SYTL4: variants seen among roughly 807,000 people sequenced by gnomAD.
SYTL4 encodes the protein synaptotagmin-like protein 4.
A neutral mutation model predicts 52.7 loss-of-function variants in SYTL4; 16 were observed. That is an observed-to-expected ratio of 0.30 (90% CI 0.21 to 0.46). SYTL4 has a LOEUF of 0.46. Ranked by LOEUF, SYTL4 falls within the 20% of genes least tolerant of loss-of-function variation. SYTL4 has a pLI of 1.00. For missense variants in SYTL4, 423 were observed against 519.9 expected (o/e 0.81, Z 1.81); for synonymous variants, 160 against 186.6 (o/e 0.86, Z 1.16).
intron 16 of SYTL4, among the ~76,000 whole-genome samples, chrX:100,683,138 T>A (rs866724020): frequency 2.5e-4 from 22 of 87,714 alleles, no homozygotes; most frequent in South Asian, 1.2e-3. Context: ...CCTGTATTTT[T>A]TTTTTTTTTT....
chrX:100,686,023 C>T lies in SYTL4; in HGVS notation c.1416G>A (p.Lys472=). ...EIQMDSWKLD[K]KLDHCLPLHG... is the part of the protein sequence containing the mutation. Reference sequence around the variant, plus strand: ...GTAAAGGGAGGCAATGATCCAGTTTCTTATCAAGCTTCCAGGAATCCATCT... The same window carrying T: ...GTAAAGGGAGGCAATGATCCAGTTTTTTATCAAGCTTCCAGGAATCCATCT... The change falls in exon 16 of 20, where the codon AAG becomes AAA. Residue 472 remains lysine, a synonymous_variant. Transcript: ENST00000372989. 8.3e-7 allele frequency: 1 copy of T among 1,202,865 alleles called. No homozygotes were observed. Among genetic ancestry groups the T allele is most frequent in the South Asian group, 1.8e-5 (1 of 55,089 alleles).
chrX:100,688,274 G>T (rs777438720), intron 13 of SYTL4, 77 bp downstream of exon 13: 4 of 855,852 alleles, frequency 4.7e-6, no homozygotes, highest in African/African-American at 4.0e-5. Context: ...CCCAGGTCCC[G>T]AATCTGCTCT....
At chrX:100,718,828 T>C (rs1240096474) in intron 2 of SYTL4, among the ~76,000 whole-genome samples, 1 of 104,507 alleles carries the variant, frequency 9.6e-6, no homozygotes, top group Non-Finnish European at 2.0e-5. Flanking sequence ...AGATGGAGTC[T>C]CACTCTGTTG....
intron 2 of SYTL4, among the ~76,000 whole-genome samples, chrX:100,710,896 A>G (rs933651041): frequency 3.6e-5 from 4 of 112,367 alleles, no homozygotes; most frequent in South Asian, 7.5e-4. Flanking sequence ...GGTTTCACTC[A>G]AGTGTTTAGC....
chrX:100,698,226 C>G (rs1315192304), intron 8 of SYTL4, among the ~76,000 whole-genome samples: 1 of 110,230 alleles, frequency 9.1e-6, no homozygotes, highest in African/African-American at 3.3e-5. Flanking sequence ...CCTCAGTCTC[C>G]CCAGCAGCTG....
chrX:100,717,466 G>A (rs2084251364), intron 2 of SYTL4, among the ~76,000 whole-genome samples: 2 of 113,096 alleles, frequency 1.8e-5, no homozygotes, highest in African/African-American at 6.4e-5. Context: ...AAAGCATGGA[G>A]GCATAAAGCA....
chrX:100,714,591 G>A (rs1275796284), intron 2 of SYTL4, among the ~76,000 whole-genome samples: 2 of 111,624 alleles, frequency 1.8e-5, no homozygotes, highest in African/African-American at 3.3e-5. Context: ...ACAATACAGA[G>A]TAGGTTTGAA....
intron 2 of SYTL4, among the ~76,000 whole-genome samples, chrX:100,723,268 C>T (rs367860781): frequency 6.3e-5 from 7 of 111,744 alleles, no homozygotes; most frequent in Non-Finnish European, 1.1e-4. Flanking sequence ...CGCAGGCGCG[C>T]GCCGCCACGC....
At chrX:100,722,526 C>T (rs2084363671) in intron 2 of SYTL4, among the ~76,000 whole-genome samples, 1 of 111,729 alleles carries the variant, frequency 9.0e-6, no homozygotes, top group African/African-American at 3.3e-5. Flanking sequence ...CTACTTTCAT[C>T]TATGCCTATT....
Position 100,701,620 on chromosome X carries a change from C to T in SYTL4, c.164G>A (p.Ser55Asn). 1.7e-6 allele frequency: 2 copies of T among 1,212,010 alleles called. No homozygotes were observed. Among genetic ancestry groups the T allele is most frequent in the Non-Finnish European group, 2.2e-6 (2 of 895,604 alleles). The change falls in exon 6 of 20, where the codon AGC becomes AAC. Residue 55 changes from serine (S) to asparagine (N), a missense_variant. Ser to Asn is a conservative substitution (Grantham distance 46). Coordinates refer to ENST00000372989, the MANE Select transcript of SYTL4 (RefSeq NM_001370165.1). ...ACAGGTCCGATCACTGTAGTGTTGG[C>T]TGCCCCTCTTGGCCCCTTTCCTTTT... Reference protein sequence around the residue: ...EIKRKGAKRGSQHYSDRTCAR... With the variant: ...EIKRKGAKRGNQHYSDRTCAR...
chrX:100,697,612 G>A (rs2083730973), intron 8 of SYTL4, among the ~76,000 whole-genome samples: 1 of 111,427 alleles, frequency 9.0e-6, no homozygotes. Context: ...TACACTACAG[G>A]GGAACTAATA....
intron 4 of SYTL4, among the ~76,000 whole-genome samples, chrX:100,702,651 C>T (rs1006166618): frequency 9.8e-5 from 11 of 112,147 alleles, no homozygotes; most frequent in African/African-American, 3.6e-4. Flanking sequence ...TACTAGCACT[C>T]TAGCACTACC....
chrX:100,685,864 C>G, intron 16 of SYTL4, 126 bp downstream of exon 16: 1 of 663,039 alleles, frequency 1.5e-6, no homozygotes. Context: ...CTCAGAAACA[C>G]CAGCAGGGGG....
At chrX:100,700,758 C>T in intron 8 of SYTL4, 139 bp downstream of exon 8, 1 of 488,148 alleles carries the variant, frequency 2.0e-6, no homozygotes. Context: ...GATTTTTTCC[C>T]TCCTTTACTA....
rs1347371669 is a variant in SYTL4 at position 100,674,901 on chromosome X, G to A, written c.*1127C>T. 1 of 111,548 alleles carries A rather than the reference G, an allele frequency of 9.0e-6. No individual in the cohort carries two copies. The highest frequency in any genetic ancestry group is 9.5e-5 in the Admixed American group (1 of 10,494). 9.2% of individuals were successfully genotyped at this position (111,548 alleles called of 1,213,427 possible). On this transcript the variant is annotated 3_prime_UTR_variant, in exon 20 of 20. Coordinates refer to ENST00000372989, the MANE Select transcript of SYTL4 (RefSeq NM_001370165.1). ...CATGTAATATGTAGGTCAAATTTAG[G>A]AAACAATAGCAAAAACAGGAACTGA...
chrX:100,717,799 G>A (rs980129792), intron 2 of SYTL4, among the ~76,000 whole-genome samples: 5 of 111,768 alleles, frequency 4.5e-5, no homozygotes, highest in Non-Finnish European at 5.6e-5. Context: ...GACATTACAC[G>A]GAGAGAAAAT....
At chrX:100,709,578 C>T (rs1213379946) in intron 2 of SYTL4, among the ~76,000 whole-genome samples, 1 of 112,006 alleles carries the variant, frequency 8.9e-6, no homozygotes, top group Non-Finnish European at 1.9e-5. Context: ...CATTTACTAG[C>T]TGTGTGACCT....
intron 8 of SYTL4, among the ~76,000 whole-genome samples, chrX:100,698,474 T>C (rs1217934027): frequency 9.0e-6 from 1 of 111,674 alleles, no homozygotes; most frequent in Non-Finnish European, 1.9e-5. Context: ...CCTTTCTCTT[T>C]CTCTTTCTCT....
At chrX:100,728,123 C>T (rs1420956919) in intron 2 of SYTL4, among the ~76,000 whole-genome samples, 2 of 111,716 alleles carry the variant, frequency 1.8e-5, no homozygotes, top group Non-Finnish European at 3.8e-5. Flanking sequence ...GACTGAACCC[C>T]AGGTCACTGC....
Sources: allele counts gnomAD v4.1 joint callset (sites outside exome capture counted in the v4.1 genomes callset), GRCh38; gene constraint gnomAD v4.1.1; transcripts MANE v1.5; gene names NCBI Gene and HGNC (gene_info 2026-07-23, HGNC 2026-07-21).